The following TRIM69 variants were observed in gnomAD, a reference collection of about 807,000 sequenced individuals.
TRIM69 encodes the protein tripartite motif containing 69, also known as E3 ubiquitin-protein ligase TRIM69.
In TRIM69, 29 loss-of-function variants were observed where a neutral mutation model predicts 37.7. That is an observed-to-expected ratio of 0.77 (90% confidence interval 0.57 to 1.05). The LOEUF is 1.05. TRIM69 is among the 50% of genes least tolerant of loss of function. The pLI, the probability that TRIM69 is intolerant of heterozygous loss-of-function variation, is 0.00. For synonymous variants in TRIM69, 209 were observed against 212.4 expected, an observed-to-expected ratio of 0.98 and a Z score of 0.14; for missense variants, 596 against 579.9, an observed-to-expected ratio of 1.03 and a Z score of -0.28.
At chr15:44,748,805 G>A (rs1269292343) in intron 1 of TRIM69, among the ~76,000 whole-genome samples, 5 of 123,958 alleles carry the variant, frequency 4.0e-5, no homozygotes, top group Non-Finnish European at 8.3e-5. Context: ...CAGCCTGGGC[G>A]ACAGAGTGAG....
At chr15:44,751,615 C>G (rs1459931467) in intron 1 of TRIM69, among the ~76,000 whole-genome samples, 1 of 152,164 alleles carries the variant, frequency 6.6e-6, no homozygotes, top group Non-Finnish European at 1.5e-5. Context: ...TTGTACCTCT[C>G]TTTCCAGTTC....
In TRIM69 at chr15:44,750,715, C is replaced by CT. The variant is rs869059418; in HGVS notation, c.7-4158dup. The stretch of plus-strand genomic sequence containing the variant: ...TCGCATTTTTATTTCATTACTTTTT[C>CT]TTTTTTTTTTTTTTTTTTTTTTTTT... On this transcript the variant is annotated intron_variant, in intron 1 of 6. Coordinates refer to ENST00000329464, the MANE Select transcript of TRIM69 (RefSeq NM_182985.5). Among the ~76,000 whole-genome samples, 73 of 102,838 alleles carry CT rather than the reference C, an allele frequency of 7.1e-4. 5 individuals are homozygous for CT. The highest frequency in any genetic ancestry group is 1.3e-3 in the African/African-American group (34 of 25,906). The allele number at this position is 102,838 out of a possible 152,430, so 67.5% of individuals were successfully genotyped here.
At position 44,755,812 on chromosome 15, in the gene TRIM69, A is replaced by G. The variant is rs906513674; in HGVS notation, c.483+436A>G. Among the ~76,000 whole-genome samples, 3 of 152,220 alleles carry G rather than the reference A, an allele frequency of 2.0e-5. No homozygotes were observed. The South Asian group carries it at 6.2e-4, about 31-fold the overall frequency. On this transcript the variant is annotated intron_variant, in intron 2 of 6. Transcript: ENST00000329464. The stretch of plus-strand genomic sequence containing the variant: ...GAATTTCTGAGACTATTAGAGAAAA[A>G]TGAAATAGGGGACATATAGTGAAAG...
chr15:44,750,870 G>A (rs533627143), intron 1 of TRIM69, among the ~76,000 whole-genome samples: 8 of 148,554 alleles, frequency 5.4e-5, no homozygotes, highest in South Asian at 4.3e-4. Flanking sequence ...GACTACAGGC[G>A]CCTGCCACCA....
chr15:44,761,504 T>A (rs2087774494), intron 6 of TRIM69, among the ~76,000 whole-genome samples: 1 of 152,208 alleles, frequency 6.6e-6, no homozygotes, highest in Admixed American at 6.5e-5. Flanking sequence ...CTCACTCTGA[T>A]GTCCAGGCTA....
In TRIM69 at chr15:44,754,945, G is replaced by T. The variant is rs760469052; in HGVS notation, c.52G>T (p.Glu18Ter). 1.2e-6 allele frequency: 2 copies of T among 1,614,106 alleles called. No homozygotes were observed. The highest frequency in any genetic ancestry group is 3.3e-5 in the Admixed American group (2 of 60,024). The stretch of plus-strand genomic sequence containing the variant: ...CAACATCGATCCAGGCGACTATGTT[G>T]AAATGAATGATTCAATCACCCACCT... Reference protein sequence around the residue: ...SSNIDPGDYVEMNDSITHLPS... With the variant: ...SSNIDPGDYV Residue 18 changes from glutamate to a stop codon, truncating the protein, a stop_gained, in exon 2 of 7, where the codon GAA becomes TAA. Transcript: ENST00000329464. LOFTEE classifies it high-confidence loss of function.
At chr15:44,746,754 A>G (rs201378572) in intron 1 of TRIM69, among the ~76,000 whole-genome samples, 1 of 11,364 alleles carries the variant, frequency 8.8e-5, no homozygotes, top group African/African-American at 1.4e-4. Flanking sequence ...GCACGTGCAC[A>G]CACACACACA....
chr15:44,755,341 T>G lies in TRIM69; in HGVS notation c.448T>G (p.Phe150Val), dbSNP rs2141138734. ...ARLSVGQSKE[F>V]LQISDAVHFF... ...GTTGTCTGTGGGGCAGTCTAAGGAG[T>G]TCCTGCAAATCTCTGATGCTGTCCA... The change falls in exon 2 of 7, where the codon TTC (phenylalanine) becomes GTC (valine). Residue 150 changes from phenylalanine (F) to valine (V), a missense_variant. Physicochemically the swap from Phe to Val is conservative, Grantham distance 50. Transcript: ENST00000329464. The G allele has an allele frequency of 6.2e-7, 1 of 1,613,646 alleles. No individual in the cohort carries two copies. Among genetic ancestry groups the G allele is most frequent in the East Asian group, 2.2e-5 (1 of 44,878 alleles).
At chr15:44,748,306 A>C (rs1243336617) in intron 1 of TRIM69, among the ~76,000 whole-genome samples, 1 of 152,196 alleles carries the variant, frequency 6.6e-6, no homozygotes, top group Non-Finnish European at 1.5e-5. Context: ...AGATGTGAGC[A>C]GCTCTTGGGC....
intron 6 of TRIM69, among the ~76,000 whole-genome samples, chr15:44,761,071 C>T (rs2141145878): frequency 6.6e-6 from 1 of 152,200 alleles, no homozygotes; most frequent in African/African-American, 2.4e-5. Flanking sequence ...GCGCCTGCCA[C>T]CATGCCCGGC....
intron 6 of TRIM69, among the ~76,000 whole-genome samples, chr15:44,760,287 T>A (rs1213815419): frequency 6.6e-6 from 1 of 152,184 alleles, no homozygotes; most frequent in Non-Finnish European, 1.5e-5. Context: ...GTAGAACATT[T>A]TAGAAGATTG....
Position 44,754,907 on chromosome 15 carries a change from C to T in TRIM69, c.14C>T (p.Thr5Ile). The T allele has an allele frequency of 1.9e-6, 3 of 1,609,884 alleles. No individual in the cohort carries two copies. The highest frequency in any genetic ancestry group is 1.7e-4 in the Middle Eastern group (1 of 6,034). MEVS[T>I]NPSSNIDPGD... ...AGCTGTTCTTTTCTAAAGGTATCCA[C>T]CAACCCCTCCTCCAACATCGATCCA... The change falls in exon 2 of 7, where the codon ACC becomes ATC. Residue 5 changes from threonine to isoleucine, a missense_variant. Transcript: ENST00000329464.
chr15:44,765,779 AC>A (rs2087874038), intron 6 of TRIM69, among the ~76,000 whole-genome samples: 4 of 151,032 alleles, frequency 2.6e-5, no homozygotes, highest in African/African-American at 7.4e-5. Context: ...AAACAAACAA[AC>A]AAACAAAAAA....
At chr15:44,766,228 G>C (rs1372950901) in intron 6 of TRIM69, among the ~76,000 whole-genome samples, 1 of 152,128 alleles carries the variant, frequency 6.6e-6, no homozygotes, top group Non-Finnish European at 1.5e-5. Flanking sequence ...TAAAATTACT[G>C]TCAATTTGCT....
At chr15:44,739,470 C>T (rs2087233316) in intron 1 of TRIM69, among the ~76,000 whole-genome samples, 6 of 152,240 alleles carry the variant, frequency 3.9e-5, no homozygotes, top group Admixed American at 3.9e-4. Context: ...AGGTCCCTTT[C>T]CTAGTCAAAG....
chr15:44,740,578 A>T (rs536760197), intron 1 of TRIM69, among the ~76,000 whole-genome samples: 91 of 152,276 alleles, frequency 6.0e-4, no homozygotes, highest in African/African-American at 2.1e-3. Flanking sequence ...CCCATCTCAC[A>T]TGCAGAGACA....
Position 44,751,056 on chromosome 15 carries a change from C to T in TRIM69, c.7-3844C>T, listed in dbSNP as rs1163322489. On this transcript the variant is annotated intron_variant, in intron 1 of 6. Transcript: ENST00000329464. ...CTGCAGCCTGGACCTCCCAGGCTCACGTGATTCTCCCACCTCAGTCTCCCA... is the reference window on the plus strand; with the variant it reads ...CTGCAGCCTGGACCTCCCAGGCTCATGTGATTCTCCCACCTCAGTCTCCCA... Among the ~76,000 whole-genome samples, 8 of 147,728 alleles carry T rather than the reference C, an allele frequency of 5.4e-5. No homozygotes were observed. The South Asian group carries it at 8.5e-4, about 16-fold the overall frequency.
chr15:44,738,978 T>C (rs1484085519), intron 1 of TRIM69, among the ~76,000 whole-genome samples: 1 of 152,186 alleles, frequency 6.6e-6, no homozygotes, highest in Non-Finnish European at 1.5e-5. Context: ...GAATTAACCA[T>C]ATAAAACCAG....
At chr15:44,745,325 G>T (rs1173160464) in intron 1 of TRIM69, among the ~76,000 whole-genome samples, 1 of 152,098 alleles carries the variant, frequency 6.6e-6, no homozygotes, top group Non-Finnish European at 1.5e-5. Flanking sequence ...ACAGAATTCA[G>T]TAGCTACATG....
Sources: allele counts gnomAD v4.1 joint callset (sites outside exome capture counted in the v4.1 genomes callset), GRCh38; gene constraint gnomAD v4.1.1; transcripts MANE v1.5; gene names NCBI Gene and HGNC (gene_info 2026-07-23, HGNC 2026-07-21).